Variants in NUBPL observed in about 807,000 individuals in gnomAD.
NUBPL encodes iron-sulfur cluster transfer protein NUBPL.
NUBPL carries 31 observed loss-of-function variants against 45.7 expected under a neutral mutation model. The observed-to-expected ratio is 0.68, with a 90% CI of 0.51 to 0.92. NUBPL has a LOEUF of 0.92. NUBPL is among the 40% of genes least tolerant of loss of function. The probability of loss-of-function intolerance (pLI) is 0.00; values close to 1 mark genes in which losing one functional copy is unlikely to be tolerated. For synonymous variants in NUBPL, 144 were observed against 140.9 expected (o/e 1.02, Z -0.15); for missense variants, 401 against 398.7 (o/e 1.01, Z -0.05).
chr14:31,823,123 C>T (rs990852005), intron 7 of NUBPL, among the ~76,000 whole-genome samples: 3 of 151,936 alleles, frequency 2.0e-5, no homozygotes, highest in Non-Finnish European at 4.4e-5. Flanking sequence ...TATATTAAGA[C>T]TGTCATCAAA....
chr14:31,718,775 A>G (rs1202788163), intron 6 of NUBPL, among the ~76,000 whole-genome samples: 1 of 152,208 alleles, frequency 6.6e-6, no homozygotes, highest in East Asian at 1.9e-4. Context: ...AAGTGCAAAA[A>G]GGGACTGGCA....
chr14:31,715,898 A>T (rs995827122), intron 6 of NUBPL, among the ~76,000 whole-genome samples: 98 of 152,160 alleles, frequency 6.4e-4, no homozygotes, highest in African/African-American at 2.3e-3. Flanking sequence ...AAACGTTTTG[A>T]CTCATAATAT....
chr14:31,597,391 T>A (rs758343691), intron 3 of NUBPL, among the ~76,000 whole-genome samples: 3 of 152,216 alleles, frequency 2.0e-5, no homozygotes, highest in Non-Finnish European at 4.4e-5. Context: ...CTTCAGTTTT[T>A]TTGGAACATT....
chr14:31,619,584 T>A (rs2035003875), intron 4 of NUBPL, among the ~76,000 whole-genome samples: 1 of 152,238 alleles, frequency 6.6e-6, no homozygotes, highest in Non-Finnish European at 1.5e-5. Context: ...TTGAAAATTC[T>A]TTTCTTTATG....
At chr14:31,586,420 T>C (rs1415037602) in intron 3 of NUBPL, among the ~76,000 whole-genome samples, 1 of 152,102 alleles carries the variant, frequency 6.6e-6, no homozygotes, top group Non-Finnish European at 1.5e-5. Context: ...AATTCTAGGT[T>C]GAAGGAACTA....
At chr14:31,752,748 C>G (rs963422453) in intron 6 of NUBPL, among the ~76,000 whole-genome samples, 1 of 152,192 alleles carries the variant, frequency 6.6e-6, no homozygotes, top group African/African-American at 2.4e-5. Flanking sequence ...ATCCTGGTAC[C>G]AATTTCCTGT....
At chr14:31,635,601 A>C (rs1475176156) in intron 4 of NUBPL, among the ~76,000 whole-genome samples, 2 of 151,898 alleles carry the variant, frequency 1.3e-5, no homozygotes, top group East Asian at 1.9e-4. Context: ...ATGAACTTTA[A>C]AGTAGTTTTT....
chr14:31,777,528 T>A lies in NUBPL; in HGVS notation c.514-10252T>A, dbSNP rs147612663. 2.1e-3 allele frequency among the ~76,000 whole-genome samples: 320 copies of A among 152,252 alleles called. 1 individual carries two copies. The highest frequency in any genetic ancestry group is 7.4e-3 in the African/African-American group (306 of 41,556). ...CTTGCAGACAGCTGTTAAAATAGGC[T>A]AGAACAATTTTAAAGAGCAGCCAAA... On this transcript the variant is annotated intron_variant, in intron 6 of 10. Transcript: ENST00000281081.
chr14:31,706,363 A>G (rs185772102), intron 6 of NUBPL, among the ~76,000 whole-genome samples: 4 of 152,300 alleles, frequency 2.6e-5, no homozygotes, highest in African/African-American at 9.6e-5. Flanking sequence ...TTCCATTTGT[A>G]AGATCATCAG....
chr14:31,772,249 A>C (rs1203163111), intron 6 of NUBPL, among the ~76,000 whole-genome samples: 1 of 152,198 alleles, frequency 6.6e-6, no homozygotes, highest in Non-Finnish European at 1.5e-5. Context: ...ACTGGAAAAA[A>C]TTTGAAATTT....
intron 6 of NUBPL, chr14:31,686,722 G>A (rs1278131276): frequency 6.6e-6 from 1 of 152,202 alleles, no homozygotes; most frequent in Non-Finnish European, 1.5e-5. Context: ...AAATTTATGT[G>A]TCATCCTTGT....
At chr14:31,692,698 T>G (rs1362875689) in intron 6 of NUBPL, among the ~76,000 whole-genome samples, 1 of 152,238 alleles carries the variant, frequency 6.6e-6, no homozygotes, top group Non-Finnish European at 1.5e-5. Context: ...TCCCTGACAA[T>G]GGAATTTCAC....
At chr14:31,741,646 A>G (rs1182596890) in intron 6 of NUBPL, among the ~76,000 whole-genome samples, 1 of 152,160 alleles carries the variant, frequency 6.6e-6, no homozygotes, top group Non-Finnish European at 1.5e-5. Flanking sequence ...CCCCCATGTT[A>G]CTGAGTCCTC....
chr14:31,665,146 C>T (rs527826078), intron 4 of NUBPL, among the ~76,000 whole-genome samples: 1 of 151,976 alleles, frequency 6.6e-6, no homozygotes, highest in East Asian at 1.9e-4. Flanking sequence ...AGTGGTCTAC[C>T]CATTTTGTTA....
At chr14:31,780,852 T>C (rs970489) in intron 6 of NUBPL, among the ~76,000 whole-genome samples, 24,074 of 152,154 alleles carry the variant, frequency 0.16, 5,433 homozygotes, top group African/African-American at 0.5. Flanking sequence ...CCCCAACATA[T>C]CCGAATTTTA....
intron 6 of NUBPL, among the ~76,000 whole-genome samples, chr14:31,693,730 A>G (rs901730354): frequency 2.6e-5 from 4 of 151,268 alleles, no homozygotes; most frequent in African/African-American, 9.7e-5. Flanking sequence ...ACATTAAGGA[A>G]TGAGGAACAT....
At chr14:31,669,185 CAT>C (rs1236005943) in intron 4 of NUBPL, among the ~76,000 whole-genome samples, 3 of 152,096 alleles carry the variant, frequency 2.0e-5, no homozygotes, top group African/African-American at 7.2e-5. Flanking sequence ...TTAATTGACA[CAT>C]AATTGCATAT....
chr14:31,586,838 A>G (rs920729), intron 3 of NUBPL, among the ~76,000 whole-genome samples: 61,913 of 151,888 alleles, frequency 0.41, 14,224 homozygotes, highest in East Asian at 0.6. Flanking sequence ...GCAAAGGAAG[A>G]GATAGGTTGA....
At chr14:31,803,530 A>G (rs1265259522) in intron 7 of NUBPL, among the ~76,000 whole-genome samples, 1 of 152,238 alleles carries the variant, frequency 6.6e-6, no homozygotes, top group Non-Finnish European at 1.5e-5. Flanking sequence ...GTTTCCTAAT[A>G]TTAAGGAATA....
Sources: gnomAD v4.1 joint callset for allele counts (sites outside exome capture counted in the v4.1 genomes callset) on GRCh38, gnomAD v4.1.1 for gene constraint, MANE v1.5 for transcripts, NCBI Gene and HGNC (gene_info 2026-07-23, HGNC 2026-07-21) for gene names.